Variants in TBC1D8 observed in about 807,000 individuals in gnomAD.
The protein encoded by TBC1D8 is BUB2-like protein 1.
In TBC1D8, 65 loss-of-function variants were observed where a neutral mutation model predicts 118.8. That is an observed-to-expected ratio of 0.55 (90% CI 0.45 to 0.67). The LOEUF (loss-of-function observed/expected upper bound fraction) is 0.67. TBC1D8 is among the 30% of genes least tolerant of loss of function. TBC1D8 has a pLI of 0.00. For synonymous variants in TBC1D8, 566 were observed against 595.8 expected, an observed-to-expected ratio of 0.95 and a Z score of 0.73; for missense variants, 1,376 against 1,471.2, an observed-to-expected ratio of 0.94 and a Z score of 1.06.
chr2:101,027,458 G>T lies in TBC1D8; in HGVS notation c.2452-7C>A, dbSNP rs1002724490. 6.2e-7 allele frequency: 1 copy of T among 1,612,642 alleles called. No individual in the cohort carries two copies. Among genetic ancestry groups the T allele is most frequent in the Non-Finnish European group, 8.5e-7 (1 of 1,178,974 alleles). ...CCGGGATAACGACTCGAAGCTTGAG[G>T]AAAGAATAAACAGCAATGGCGTGAA... On this transcript the variant is annotated splice_polypyrimidine_tract_variant and splice_region_variant and intron_variant, in intron 14 of 19. Transcript: ENST00000409318.
intron 2 of TBC1D8, among the ~76,000 whole-genome samples, chr2:101,080,762 G>T (rs1304812692): frequency 6.6e-6 from 1 of 151,790 alleles, no homozygotes; most frequent in East Asian, 1.9e-4. Context: ...GTTTAAACTG[G>T]AAAGCCCAAC....
At chr2:101,098,403 A>C (rs764259288) in intron 1 of TBC1D8, among the ~76,000 whole-genome samples, 10 of 152,010 alleles carry the variant, frequency 6.6e-5, no homozygotes, top group Non-Finnish European at 1.5e-4. Context: ...AGAGACTTAG[A>C]CTGCCAAACA....
chr2:101,050,497 A>T lies in TBC1D8; in HGVS notation c.776T>A (p.Met259Lys). 6.2e-7 allele frequency: 1 copy of T among 1,613,972 alleles called. No individual in the cohort carries two copies. Among genetic ancestry groups the T allele is most frequent in the Non-Finnish European group, 8.5e-7 (1 of 1,179,870 alleles). Residue 259 changes from methionine to lysine, a missense_variant, in exon 5 of 20, where the codon ATG becomes AAG. Transcript: ENST00000409318. Reference protein sequence around the residue: ...FLNLDEVFKVMEQLADVTLRR... With the variant: ...FLNLDEVFKVKEQLADVTLRR... ...CAGCGTCACGTCGGCCAGCTGCTCC[A>T]TGACCTTAAACACCTCATCCAGGTT...
At chr2:101,082,017 T>C (rs1042267487) in intron 2 of TBC1D8, among the ~76,000 whole-genome samples, 4 of 152,132 alleles carry the variant, frequency 2.6e-5, no homozygotes, top group Non-Finnish European at 4.4e-5. Flanking sequence ...CAGGCACCGG[T>C]AATCCCAGCT....
intron 1 of TBC1D8, among the ~76,000 whole-genome samples, chr2:101,115,948 C>A (rs1220227423): frequency 1.3e-5 from 2 of 152,150 alleles, no homozygotes; most frequent in Non-Finnish European, 2.9e-5. Flanking sequence ...GTAAGGCTGA[C>A]AACATAAAAG....
At chr2:101,035,177 C>T (rs1489536339) in intron 9 of TBC1D8, among the ~76,000 whole-genome samples, 1 of 152,144 alleles carries the variant, frequency 6.6e-6, no homozygotes, top group African/African-American at 2.4e-5. Context: ...AGGCGCCTCC[C>T]TGCTGACAAA....
intron 1 of TBC1D8, among the ~76,000 whole-genome samples, chr2:101,117,030 C>T (rs530447307): frequency 5.3e-5 from 8 of 152,194 alleles, no homozygotes; most frequent in South Asian, 2.1e-4. Context: ...CACGAGCAGA[C>T]GGCCACTGAA....
intron 1 of TBC1D8, among the ~76,000 whole-genome samples, chr2:101,150,085 A>G (rs191580739): frequency 3.3e-5 from 5 of 152,314 alleles, no homozygotes; most frequent in East Asian, 1.9e-4. Flanking sequence ...CTCAGAAGCT[A>G]AAGTCCAGCA....
At chr2:101,073,238 G>T (rs748024272) in intron 2 of TBC1D8, among the ~76,000 whole-genome samples, 14 of 151,770 alleles carry the variant, frequency 9.2e-5, no homozygotes, top group Non-Finnish European at 1.9e-4. Context: ...CCAACAGAAG[G>T]CTCTTTCATC....
Position 101,073,291 on chromosome 2 carries a change from AT to A in TBC1D8, c.284-13753del, listed in dbSNP as rs1384698819. ...TTTATTTTTTATTTTATTTTATTTT[AT>A]TTTATTTATTTTTTTTTTTGGAGAT... On this transcript the variant is annotated intron_variant, in intron 2 of 19. Coordinates refer to ENST00000409318, the MANE Select transcript of TBC1D8 (RefSeq NM_001330348.2). Among the ~76,000 whole-genome samples, 568 of 138,360 alleles carry A rather than the reference AT, an allele frequency of 4.1e-3. 6 individuals are homozygous for A. The highest frequency in any genetic ancestry group is 0.015 in the African/African-American group (537 of 36,068). The allele number at this position is 138,360 out of a possible 152,430, so 90.8% of individuals were successfully genotyped here. A position where few individuals can be genotyped will look rare whatever the true frequency, so the allele number is the denominator to read the frequency against.
At chr2:101,027,553 C>A in intron 14 of TBC1D8, 102 bp from the exon 15 acceptor site, 2 of 968,158 alleles carry the variant, frequency 2.1e-6, no homozygotes, top group Non-Finnish European at 3.3e-6. Context: ...ACAAGGAGCC[C>A]ATGCACCAGC....
chr2:101,134,446 C>T (rs984553195), intron 1 of TBC1D8, among the ~76,000 whole-genome samples: 1 of 152,152 alleles, frequency 6.6e-6, no homozygotes, highest in African/African-American at 2.4e-5. Context: ...GCTGCTATAA[C>T]AAAATACCAC....
intron 1 of TBC1D8, among the ~76,000 whole-genome samples, chr2:101,130,717 A>G (rs947879908): frequency 1.3e-5 from 2 of 152,196 alleles, no homozygotes; most frequent in African/African-American, 4.8e-5. Context: ...ATTAATCACT[A>G]GAGTAATCTT....
intron 1 of TBC1D8, among the ~76,000 whole-genome samples, chr2:101,149,338 T>C (rs1283967820): frequency 6.6e-6 from 1 of 152,144 alleles, no homozygotes; most frequent in African/African-American, 2.4e-5. Flanking sequence ...AGAAACCCTC[T>C]GGACAGGAAG....
chr2:101,098,867 TAA>T (rs926592471), intron 1 of TBC1D8, among the ~76,000 whole-genome samples: 1 of 152,074 alleles, frequency 6.6e-6, no homozygotes, highest in Non-Finnish European at 1.5e-5. Flanking sequence ...AAAGCAGTGT[TAA>T]GAGGGAAATT....
intron 5 of TBC1D8, among the ~76,000 whole-genome samples, chr2:101,049,787 AC>A (rs1420971058): frequency 6.6e-6 from 1 of 152,174 alleles, no homozygotes; most frequent in African/African-American, 2.4e-5. Context: ...CTAGCAAAGC[AC>A]AGTGCTCCAC....
intron 1 of TBC1D8, among the ~76,000 whole-genome samples, chr2:101,112,205 C>T (rs1677633552): frequency 6.6e-6 from 1 of 152,198 alleles, no homozygotes; most frequent in Non-Finnish European, 1.5e-5. Flanking sequence ...TGCTCAAACA[C>T]ATGACAGCAA....
intron 1 of TBC1D8, among the ~76,000 whole-genome samples, chr2:101,091,156 G>A (rs1199792045): frequency 6.6e-6 from 1 of 151,996 alleles, no homozygotes; most frequent in East Asian, 1.9e-4. Context: ...GTGGTGGCAG[G>A]CACCTGTAAT....
chr2:101,046,254 T>G (rs916687702), intron 5 of TBC1D8, among the ~76,000 whole-genome samples: 2 of 152,238 alleles, frequency 1.3e-5, no homozygotes, highest in African/African-American at 4.8e-5. Context: ...CACCTGGCTG[T>G]CAGGCGCCAG....
Sources: allele counts gnomAD v4.1 joint callset (sites outside exome capture counted in the v4.1 genomes callset), GRCh38; gene constraint gnomAD v4.1.1; transcripts MANE v1.5; gene names NCBI Gene and HGNC (gene_info 2026-07-23, HGNC 2026-07-21).